The following CUEDC1 variants were observed in gnomAD, a reference collection of about 807,000 sequenced individuals.
CUEDC1 encodes CUE domain containing 1.
A neutral mutation model predicts 43.7 loss-of-function variants in CUEDC1; 30 were observed. The ratio of observed to expected loss-of-function variants is 0.69; its 90% CI spans 0.51 to 0.93. CUEDC1 has a LOEUF of 0.93. CUEDC1 is among the 40% of genes least tolerant of loss of function. The pLI, the probability that CUEDC1 is intolerant of heterozygous loss-of-function variation, is 0.00. For synonymous variants in CUEDC1, 223 were observed against 223.6 expected, an observed-to-expected ratio of 1.00 and a Z score of 0.02; for missense variants, 486 against 549.0, an observed-to-expected ratio of 0.89 and a Z score of 1.15.
intron 1 of CUEDC1, among the ~76,000 whole-genome samples, chr17:57,939,322 T>C (rs2074893704): frequency 6.6e-6 from 1 of 151,852 alleles, no homozygotes; most frequent in Admixed American, 6.6e-5. Flanking sequence ...TGGAGTGCAG[T>C]GGAACAATCC....
intron 1 of CUEDC1, among the ~76,000 whole-genome samples, chr17:57,906,914 TGAGCC>T (rs1185740426): frequency 6.8e-6 from 1 of 147,124 alleles, no homozygotes; most frequent in Non-Finnish European, 1.5e-5. Context: ...GAGGTTGTGA[TGAGCC>T]GAGATCATGC....
At chr17:57,865,253 G>A (rs1351099757) in intron 10 of CUEDC1, among the ~76,000 whole-genome samples, 1 of 152,204 alleles carries the variant, frequency 6.6e-6, no homozygotes, top group African/African-American at 2.4e-5. Context: ...GAAGTGGGCC[G>A]CGGCTTTGTG....
At chr17:57,925,073 T>G (rs1423380250) in intron 1 of CUEDC1, among the ~76,000 whole-genome samples, 4 of 150,112 alleles carry the variant, frequency 2.7e-5, no homozygotes, top group Non-Finnish European at 5.9e-5. Flanking sequence ...TTCAAAGGTA[T>G]GTAAATCAGT....
At chr17:57,940,268 A>G (rs2074905324) in intron 1 of CUEDC1, among the ~76,000 whole-genome samples, 1 of 152,070 alleles carries the variant, frequency 6.6e-6, no homozygotes, top group African/African-American at 2.4e-5. Context: ...AAAAAAAAAA[A>G]AATGGTGGCA....
At chr17:57,869,331 G>A (rs2074004548) in intron 6 of CUEDC1, 138 bp from the exon 7 acceptor site, 2 of 708,868 alleles carry the variant, frequency 2.8e-6, no homozygotes, top group Non-Finnish European at 4.8e-6. Flanking sequence ...AAAGCAAGGA[G>A]GATGTGGAGT....
At chr17:57,884,995 G>A (rs947759839) in intron 2 of CUEDC1, among the ~76,000 whole-genome samples, 3 of 152,240 alleles carry the variant, frequency 2.0e-5, no homozygotes, top group African/African-American at 7.2e-5. Flanking sequence ...CTGAGTGGGC[G>A]CTCAGTGTTT....
chr17:57,902,818 TC>T (rs2074487950), intron 1 of CUEDC1, among the ~76,000 whole-genome samples: 1 of 152,166 alleles, frequency 6.6e-6, no homozygotes, highest in Non-Finnish European at 1.5e-5. Context: ...TGCCATGCCA[TC>T]CTCACAACAA....
chr17:57,939,461 G>A (rs1346513307), intron 1 of CUEDC1, among the ~76,000 whole-genome samples: 1 of 143,452 alleles, frequency 7.0e-6, no homozygotes, highest in African/African-American at 2.6e-5. Context: ...AGATGTGGGT[G>A]GGGGGAGAGG....
chr17:57,899,607 C>T (rs972065598), intron 1 of CUEDC1, among the ~76,000 whole-genome samples: 4 of 152,150 alleles, frequency 2.6e-5, no homozygotes, highest in Non-Finnish European at 5.9e-5. Flanking sequence ...CACATGCCTG[C>T]ATGTGCTAAC....
At chr17:57,880,763 C>T (rs916090691) in intron 2 of CUEDC1, among the ~76,000 whole-genome samples, 1 of 152,190 alleles carries the variant, frequency 6.6e-6, no homozygotes, top group African/African-American at 2.4e-5. Flanking sequence ...TGCGCCACCA[C>T]CCCTGGCTAA....
intron 10 of CUEDC1, among the ~76,000 whole-genome samples, chr17:57,864,000 CAAAA>C (rs71365846): frequency 3.6e-5 from 3 of 82,560 alleles, no homozygotes; most frequent in Non-Finnish European, 6.7e-5. Context: ...GACTCCATCT[CAAAA>C]AAAAAAAAAA....
chr17:57,925,581 T>G (rs111768678), intron 1 of CUEDC1, among the ~76,000 whole-genome samples: 15 of 152,278 alleles, frequency 9.9e-5, no homozygotes, highest in African/African-American at 3.6e-4. Context: ...AGAAGACAGC[T>G]GCCGCTGCAG....
chr17:57,888,451 G>C lies in CUEDC1; in HGVS notation c.-315-2572C>G, dbSNP rs12951904. Among the ~76,000 whole-genome samples the C allele has an allele frequency of 9.5e-3, 1,449 of 152,314 alleles. 27 individuals carry two copies. The highest frequency in any genetic ancestry group is 0.033 in the African/African-American group (1,355 of 41,568). ...CCAGATGAGCAAGTCAGAGCCCAGA[G>C]ACGCCCAAGCCATTTCACAAGAAGA... On this transcript the variant is annotated intron_variant, in intron 1 of 10. Coordinates refer to ENST00000577830, the MANE Select transcript of CUEDC1 (RefSeq NM_001271875.2).
At chr17:57,911,012 G>A (rs1383315027) in intron 1 of CUEDC1, among the ~76,000 whole-genome samples, 2 of 152,072 alleles carry the variant, frequency 1.3e-5, no homozygotes, top group East Asian at 1.9e-4. Context: ...TGCCACCAAC[G>A]GAAGAGCAGG....
At chr17:57,940,158 T>C (rs1375793661) in intron 1 of CUEDC1, among the ~76,000 whole-genome samples, 2 of 151,806 alleles carry the variant, frequency 1.3e-5, no homozygotes, top group Non-Finnish European at 2.9e-5. Flanking sequence ...AAAGGAGCCG[T>C]TAAAAACCCT....
chr17:57,871,239 G>A (rs747432600), intron 6 of CUEDC1, 47 bp downstream of exon 6: 3 of 1,427,816 alleles, frequency 2.1e-6, no homozygotes, highest in Non-Finnish European at 3.0e-6. Flanking sequence ...TTGGGTGTGA[G>A]CTCCCCACTA....
chr17:57,886,349 T>G lies in CUEDC1; in HGVS notation c.-315-470A>C, dbSNP rs543829660. Among the ~76,000 whole-genome samples, 6 of 152,314 alleles carry G rather than the reference T, an allele frequency of 3.9e-5. No homozygotes were observed. The East Asian group carries it at 1.2e-3, about 29-fold the overall frequency. ...TTAAAGATGTCCTGCCTCTCTGATCTCTAGTCCCTGTTCTCATCTTCCCAC... is the reference window on the plus strand; with the variant it reads ...TTAAAGATGTCCTGCCTCTCTGATCGCTAGTCCCTGTTCTCATCTTCCCAC... On this transcript the variant is annotated intron_variant, in intron 1 of 10. Coordinates refer to ENST00000577830, the MANE Select transcript of CUEDC1 (RefSeq NM_001271875.2).
intron 1 of CUEDC1, among the ~76,000 whole-genome samples, chr17:57,924,523 T>A (rs2074727984): frequency 6.6e-6 from 1 of 152,184 alleles, no homozygotes; most frequent in Non-Finnish European, 1.5e-5. Context: ...GGAAGTGGTG[T>A]CTATCCCGTG....
rs529985355 is a variant in CUEDC1, at chr17:57,880,376, C to T, written c.337-638G>A. Among the ~76,000 whole-genome samples, 6 of 152,346 alleles carry T rather than the reference C, an allele frequency of 3.9e-5. 1 individual carries two copies. The East Asian group carries it at 7.7e-4, about 20-fold the overall frequency. On this transcript the variant is annotated intron_variant, in intron 2 of 10. Coordinates refer to ENST00000577830, the MANE Select transcript of CUEDC1 (RefSeq NM_001271875.2). ...CTGAGGCCGAGGCTAAGTGACATGG[C>T]AAAAGCCACACGCTTTTTAGAACTG...
Sources: allele counts gnomAD v4.1 joint callset (sites outside exome capture counted in the v4.1 genomes callset), GRCh38; gene constraint gnomAD v4.1.1; transcripts MANE v1.5; gene names NCBI Gene and HGNC (gene_info 2026-07-23, HGNC 2026-07-21).